The following SLC6A17 variants were observed in gnomAD, a reference collection of about 807,000 sequenced individuals.
SLC6A17 encodes the protein sodium-dependent neutral amino acid transporter SLC6A17.
Under a neutral mutation model 64.5 loss-of-function variants are expected in SLC6A17, and 21 were observed. The ratio of observed to expected loss-of-function variants is 0.33; its 90% CI spans 0.23 to 0.47. The LOEUF (loss-of-function observed/expected upper bound fraction) is 0.47. Ranked by LOEUF, SLC6A17 falls within the 20% of genes least tolerant of loss-of-function variation. The probability of loss-of-function intolerance (pLI) is 1.00; values close to 1 mark genes in which losing one functional copy is unlikely to be tolerated. For synonymous variants in SLC6A17, 372 were observed against 399.5 expected (o/e 0.93, Z 0.82); for missense variants, 682 against 963.2 (o/e 0.71, Z 3.86).
chr1:110,150,869 AC>A lies in SLC6A17; in HGVS notation c.-99del, dbSNP rs1655579841. The A allele has an allele frequency of 6.6e-6, 1 of 151,476 alleles. No individual in the cohort carries two copies. The highest frequency in any genetic ancestry group is 2.4e-5 in the African/African-American group (1 of 41,188). The allele number at this position is 151,476 out of a possible 1,614,324, so 9.4% of individuals were successfully genotyped here. ...GTGCACGGGCCGAGTCTGCGCGACT[AC>A]CCACGCGTGACAGGTGAGTCGCTGG... On this transcript the variant is annotated 5_prime_UTR_variant, in exon 1 of 12. Transcript: ENST00000331565.
intron 1 of SLC6A17, among the ~76,000 whole-genome samples, chr1:110,160,824 C>G (rs1655886237): frequency 6.6e-6 from 1 of 152,142 alleles, no homozygotes; most frequent in South Asian, 2.1e-4. Context: ...GGGCCTTGGG[C>G]TCCCTTCAGT....
At chr1:110,179,557 T>TCCCC (rs1656465013) in intron 6 of SLC6A17, among the ~76,000 whole-genome samples, 1 of 26,008 alleles carries the variant, frequency 3.8e-5, no homozygotes, top group African/African-American at 1.1e-4. Flanking sequence ...TCCCCTCCCC[T>TCCCC]TCCTTTCTTT....
chr1:110,184,096 C>G (rs1440187133), intron 6 of SLC6A17, among the ~76,000 whole-genome samples: 1 of 152,106 alleles, frequency 6.6e-6, no homozygotes, highest in East Asian at 1.9e-4. Context: ...GGCAATTATA[C>G]AAGCCTGTTT....
chr1:110,171,712 G>A (rs554092975), intron 2 of SLC6A17, among the ~76,000 whole-genome samples: 4 of 152,220 alleles, frequency 2.6e-5, no homozygotes, highest in Admixed American at 1.3e-4. Context: ...TCCACGGAGC[G>A]CCTCATGAGG....
chr1:110,187,306 A>C (rs1410487252), intron 6 of SLC6A17, among the ~76,000 whole-genome samples: 2 of 152,200 alleles, frequency 1.3e-5, no homozygotes, highest in Non-Finnish European at 2.9e-5. Context: ...TGATGGAAGA[A>C]GATTTATGGA....
At chr1:110,181,488 C>A (rs1656522021) in intron 6 of SLC6A17, among the ~76,000 whole-genome samples, 1 of 152,220 alleles carries the variant, frequency 6.6e-6, no homozygotes, top group Non-Finnish European at 1.5e-5. Context: ...TCACGGGATC[C>A]AGCAGTGAAC....
At position 110,152,392 on chromosome 1, in the gene SLC6A17, G is replaced by A. The variant is rs72982616; in HGVS notation, c.-88+1509G>A. Among the ~76,000 whole-genome samples the A allele has an allele frequency of 5.0e-3, 761 of 152,336 alleles. 5 individuals are homozygous for A. Among genetic ancestry groups the A allele is most frequent in the African/African-American group, 0.018 (732 of 41,586 alleles). On this transcript the variant is annotated intron_variant, in intron 1 of 11. Transcript: ENST00000331565. Reference sequence around the variant, plus strand: ...CACCAGCTCTGATTGGAGTGAGTTTGTTTGGCCTGAGTCACACACAGAGTC... The same window carrying A: ...CACCAGCTCTGATTGGAGTGAGTTTATTTGGCCTGAGTCACACACAGAGTC...
chr1:110,185,031 C>T (rs953998511), intron 6 of SLC6A17, among the ~76,000 whole-genome samples: 2 of 152,190 alleles, frequency 1.3e-5, no homozygotes, highest in African/African-American at 4.8e-5. Context: ...AGCTTCTTGA[C>T]TCCCACAGTT....
chr1:110,185,395 C>T (rs1199227366), intron 6 of SLC6A17, among the ~76,000 whole-genome samples: 1 of 152,256 alleles, frequency 6.6e-6, no homozygotes. Flanking sequence ...TGGCTCCACA[C>T]CAGCAGGTGC....
chr1:110,167,403 A>G lies in SLC6A17; in HGVS notation c.286+188A>G, dbSNP rs61784494. 4.7e-3 allele frequency among the ~76,000 whole-genome samples: 713 copies of G among 152,288 alleles called. 5 individuals are homozygous for G. The highest frequency in any genetic ancestry group is 0.014 in the Middle Eastern group (4 of 294). On this transcript the variant is annotated intron_variant, in intron 2 of 11. Coordinates refer to ENST00000331565, the MANE Select transcript of SLC6A17 (RefSeq NM_001010898.4). ...AGCTACCAAGAGACTACAGGACATG[A>G]TAAGAAAGTGGGCTCTGGCCCCAGA...
rs746648884 is a variant in SLC6A17 at position 110,174,933 on chromosome 1, C to T, written c.726C>T (p.Val242=). 10 of 1,613,886 alleles carry T rather than the reference C, an allele frequency of 6.2e-6. No homozygotes were observed. The highest frequency in any genetic ancestry group is 6.8e-6 in the Non-Finnish European group (8 of 1,179,946). Residue 242 remains valine (V), a synonymous_variant, in exon 5 of 12, where the codon GTC becomes GTT. Transcript: ENST00000331565. ...CCTGGAGCATCGTGGGGATGGCTGT[C>T]GTTAAGGGCATCCAGTCCTCGGGGA... is the stretch of plus-strand genomic sequence containing the variant. ...LVAWSIVGMA[V]VKGIQSSGKV... is the part of the protein sequence containing the mutation.
chr1:110,182,200 G>C (rs1656547413), intron 6 of SLC6A17, among the ~76,000 whole-genome samples: 1 of 152,292 alleles, frequency 6.6e-6, no homozygotes, highest in African/African-American at 2.4e-5. Context: ...AGGGTTTGCT[G>C]TTGGATTGGT....
intron 1 of SLC6A17, among the ~76,000 whole-genome samples, chr1:110,152,240 A>G (rs1391984637): frequency 6.6e-6 from 1 of 152,190 alleles, no homozygotes; most frequent in East Asian, 1.9e-4. Context: ...GAGGACCGTC[A>G]GAGGCTTTAG....
chr1:110,192,238 C>T lies in SLC6A17; in HGVS notation c.1106+25C>T, dbSNP rs199565641. ...AGTAGGTGGCATCTCTCCTCCTGTC[C>T]CTCCTTCTCCCTGTCTACCTTACCT... On this transcript the variant is annotated intron_variant, in intron 7 of 11. Coordinates refer to ENST00000331565, the MANE Select transcript of SLC6A17 (RefSeq NM_001010898.4). This position sits in a 1 kb window ranked among gnomAD's most constrained non-coding sequence, Gnocchi z 4.3. 2.7e-5 allele frequency: 43 copies of T among 1,590,854 alleles called. No individual in the cohort carries two copies. In the Admixed American group the frequency reaches 3.9e-4, roughly 14 times the overall value.
rs1551414 is a variant in SLC6A17 at position 110,163,300 on chromosome 1, T to C, written c.-87-3543T>C. On this transcript the variant is annotated intron_variant, in intron 1 of 11. Coordinates refer to ENST00000331565, the MANE Select transcript of SLC6A17 (RefSeq NM_001010898.4). ...CATTGCTGAGGTGGTGCAGGATGCT[T>C]CTCTCCACCCACCTCCACTCCCATG... Among the ~76,000 whole-genome samples the C allele has an allele frequency of 5.2e-3, 798 of 152,200 alleles. 8 individuals are homozygous for C. Among genetic ancestry groups the C allele is most frequent in the African/African-American group, 0.018 (755 of 41,506 alleles).
intron 8 of SLC6A17, among the ~76,000 whole-genome samples, chr1:110,193,354 G>C (rs1439585554): frequency 6.6e-6 from 1 of 152,204 alleles, no homozygotes; most frequent in Admixed American, 6.5e-5. Flanking sequence ...TGGGGGTGCT[G>C]ACTCCTCCTC....
chr1:110,181,893 T>C lies in SLC6A17; in HGVS notation c.864+5154T>C, dbSNP rs566899001. 5.3e-5 allele frequency among the ~76,000 whole-genome samples: 8 copies of C among 152,258 alleles called. No homozygotes were observed. In the East Asian group the frequency reaches 1.5e-3, roughly 29 times the overall value. On this transcript the variant is annotated intron_variant, in intron 6 of 11. Transcript: ENST00000331565. ...AGGTAGGACGTATGGTCGGTAGTAA[T>C]GTACAGCCGGATCATGAGGGTCCTG...
rs982026020 is a variant in SLC6A17 at position 110,197,362 on chromosome 1, A to AG, written c.1653-73dup. ...GGACTGGGAAACGAAGACTTTCTGG[A>AG]GGAGATGGTGATGGGGGAAGAGGGA... is the stretch of plus-strand genomic sequence containing the variant. On this transcript the variant is annotated intron_variant, in intron 10 of 11. Coordinates refer to ENST00000331565, the MANE Select transcript of SLC6A17 (RefSeq NM_001010898.4). 8.4e-5 allele frequency: 128 copies of AG among 1,530,254 alleles called. No homozygotes were observed. In the African/African-American group the frequency reaches 1.6e-3, roughly 19 times the overall value. 94.8% of individuals were successfully genotyped at this position (1,530,254 alleles called of 1,614,324 possible). A position where few individuals can be genotyped will look rare whatever the true frequency, so the allele number is the denominator to read the frequency against.
At position 110,198,883 on chromosome 1, in the gene SLC6A17, C is replaced by G. The variant is rs901874155; in HGVS notation, c.*439C>G. Reference sequence around the variant, plus strand: ...GCTGGGGAAGGAGAGTGGACTTTGGCTCACTCTGCCATGAGAACAGGACAC... The same window carrying G: ...GCTGGGGAAGGAGAGTGGACTTTGGGTCACTCTGCCATGAGAACAGGACAC... On this transcript the variant is annotated 3_prime_UTR_variant, in exon 12 of 12. Coordinates refer to ENST00000331565, the MANE Select transcript of SLC6A17 (RefSeq NM_001010898.4). 1.2e-5 allele frequency: 2 copies of G among 166,584 alleles called. No homozygotes were observed. The highest frequency in any genetic ancestry group is 4.8e-5 in the African/African-American group (2 of 41,718). 10.3% of individuals were successfully genotyped at this position (166,584 alleles called of 1,614,324 possible). A position where few individuals can be genotyped will look rare whatever the true frequency, so the allele number is the denominator to read the frequency against.
Sources: gnomAD v4.1 joint callset for allele counts (sites outside exome capture counted in the v4.1 genomes callset) on GRCh38, gnomAD v4.1.1 for gene constraint, Gnocchi (gnomAD v3.1) non-coding constraint, MANE v1.5 for transcripts, NCBI Gene and HGNC (gene_info 2026-07-23, HGNC 2026-07-21) for gene names.